Variants in MSANTD7 observed in about 807,000 individuals in gnomAD.
The protein encoded by MSANTD7 is zinc finger and SCAN domain containing 29.
chr10:14,844,032 TA>T, the MSANTD7 span: 1 of 1,443,222 alleles, frequency 6.9e-7, no homozygotes, highest in East Asian at 2.5e-5. Flanking sequence ...AGTATGAAAA[TA>T]ATTGCTAGTT....
chr10:14,842,182 G>A, the MSANTD7 span: 2 of 1,535,148 alleles, frequency 1.3e-6, no homozygotes, highest in South Asian at 2.4e-5. This position sits in a 1 kb window ranked among gnomAD's most constrained non-coding sequence, Gnocchi z 5.2. Flanking sequence ...ATCCCTGAGA[G>A]GGAAGATCCT....
the MSANTD7 span, chr10:14,838,443 G>C: frequency 4.4e-6 from 7 of 1,605,980 alleles, no homozygotes; most frequent in Non-Finnish European, 5.9e-6. Context: ...ACCTCAGCCT[G>C]TGTGGCCGTC....
chr10:14,842,633 T>TGG, the MSANTD7 span: 1 of 1,536,070 alleles, frequency 6.5e-7, no homozygotes, highest in Non-Finnish European at 8.7e-7. This position sits in a 1 kb window ranked among gnomAD's most constrained non-coding sequence, Gnocchi z 5.2. Context: ...GGATGCTGCT[T>TGG]GGGCCAAGCA....
the MSANTD7 span, chr10:14,842,242 C>T: frequency 6.5e-7 from 1 of 1,535,440 alleles, no homozygotes; most frequent in South Asian, 1.2e-5. The surrounding 1 kb of genome is among the most constrained non-coding windows in gnomAD (Gnocchi z 5.2). Context: ...CAGACTTGCA[C>T]CTTGCTGTCC....
chr10:14,838,395 G>T, the MSANTD7 span: 109,570 of 1,601,090 alleles, frequency 0.068, 4,432 homozygotes, highest in Non-Finnish European at 0.079. Context: ...TGCCGTCCCT[G>T]CTGCCTCATG....
chr10:14,843,193 T>C, the MSANTD7 span, among the ~76,000 whole-genome samples: 1 of 152,102 alleles, frequency 6.6e-6, no homozygotes, highest in African/African-American at 2.4e-5. Context: ...GTTTTAGAGG[T>C]GAAATCAAAC....
chr10:14,846,213 T>C, the MSANTD7 span: 1 of 985,292 alleles, frequency 1.0e-6, no homozygotes, highest in Non-Finnish European at 1.2e-6. Context: ...TGGAAAGATA[T>C]GTGTCAATTA....
chr10:14,840,089 A>G, the MSANTD7 span: 1 of 1,434,866 alleles, frequency 7.0e-7, no homozygotes, highest in Non-Finnish European at 9.3e-7. Flanking sequence ...TTGGATTGGC[A>G]GCAAAACAAA....
the MSANTD7 span, chr10:14,838,607 C>T: frequency 2.8e-6 from 2 of 723,630 alleles, no homozygotes; most frequent in Non-Finnish European, 2.1e-6. Flanking sequence ...AGCGAAGGGC[C>T]GGGCAGGCCC....
chr10:14,839,878 CTATG>C, the MSANTD7 span: 1 of 1,571,864 alleles, frequency 6.4e-7, no homozygotes, highest in South Asian at 1.1e-5. Flanking sequence ...TCTAATGAGA[CTATG>C]TATTTCGTGT....
At chr10:14,843,677 T>A in the MSANTD7 span, 4 of 1,546,056 alleles carry the variant, frequency 2.6e-6, no homozygotes, top group Non-Finnish European at 3.5e-6. Flanking sequence ...AACAGGCGAT[T>A]GGCACGAGAA....
the MSANTD7 span, chr10:14,843,597 G>GC: frequency 2.6e-6 from 4 of 1,550,498 alleles, no homozygotes; most frequent in Non-Finnish European, 3.5e-6. Flanking sequence ...TGACCAGTGA[G>GC]CCCCCTCCAA....
chr10:14,839,903 AGGATGGCCGG>A, the MSANTD7 span: 1 of 1,611,752 alleles, frequency 6.2e-7, no homozygotes. Context: ...TTTTTTCTCT[AGGATGGCCGG>A]GCTGGTGTGG....
chr10:14,844,053 A>G, the MSANTD7 span: 19 of 1,437,200 alleles, frequency 1.3e-5, no homozygotes, highest in South Asian at 1.5e-5. Flanking sequence ...TCATTTTCCC[A>G]AGATTCTCCA....
At chr10:14,843,354 G>T in the MSANTD7 span, 3 of 1,550,616 alleles carry the variant, frequency 1.9e-6, no homozygotes, top group Non-Finnish European at 1.7e-6. Context: ...TTGCAACATT[G>T]TTGCTTTGTT....
the MSANTD7 span, chr10:14,846,770 T>C: frequency 2.0e-6 from 2 of 985,266 alleles, no homozygotes; most frequent in Non-Finnish European, 2.4e-6. Context: ...TGGAGCACAT[T>C]AGTGCTGGTG....
the MSANTD7 span, chr10:14,840,041 A>AGT: frequency 8.4e-7 from 1 of 1,194,512 alleles, no homozygotes; most frequent in South Asian, 1.8e-5. Flanking sequence ...CATACATTGT[A>AGT]ATATATATAT....
At chr10:14,838,610 GC>G in the MSANTD7 span, 4 of 717,834 alleles carry the variant, frequency 5.6e-6, no homozygotes, top group Non-Finnish European at 8.7e-6. Context: ...GAAGGGCCGG[GC>G]AGGCCCGGCC....
chr10:14,843,371 G>T, the MSANTD7 span: 1 of 1,550,714 alleles, frequency 6.4e-7, no homozygotes, highest in South Asian at 1.2e-5. Context: ...TGTTTTTCAG[G>T]GTGCTCTCAA....
Sources: gnomAD v4.1 joint callset for allele counts (sites outside exome capture counted in the v4.1 genomes callset) on GRCh38, gnomAD v4.1.1 for gene constraint, Gnocchi (gnomAD v3.1) non-coding constraint, MANE v1.5 for transcripts, NCBI Gene and HGNC (gene_info 2026-07-23, HGNC 2026-07-21) for gene names.